Variants in MEGF6 observed in about 807,000 individuals in gnomAD.
The protein encoded by MEGF6 is multiple EGF like domains 6.
In MEGF6, 184 loss-of-function variants were observed where a neutral mutation model predicts 207.1. The ratio of observed to expected loss-of-function variants is 0.89; its 90% CI spans 0.79 to 1.00. The LOEUF (loss-of-function observed/expected upper bound fraction) is 1.00, where lower values mean the gene tolerates loss of function less well. Among genes scored for constraint, MEGF6 ranks in the 50% least tolerant of loss-of-function variants. The pLI, the probability that MEGF6 is intolerant of heterozygous loss-of-function variation, is 0.00. For synonymous variants in MEGF6, 1,038 were observed against 910.0 expected (o/e 1.14, Z -2.53); for missense variants, 2,282 against 2,202.9 (o/e 1.04, Z -0.72).
chr1:3,583,288 ACAGCCACCAGACAACGCG>A (rs1643845306), intron 3 of MEGF6, among the ~76,000 whole-genome samples: 4 of 148,460 alleles, frequency 2.7e-5, no homozygotes, highest in East Asian at 2.0e-4. Flanking sequence ...CAGACAACCC[ACAGCCACCAGACAACGCG>A]CAGCCACCAG....
At chr1:3,588,443 A>G (rs28522236) in intron 3 of MEGF6, among the ~76,000 whole-genome samples, 63 of 6,970 alleles carry the variant, frequency 9.0e-3, no homozygotes, top group Admixed American at 0.021. Flanking sequence ...GGGGCAGGAG[A>G]GGCCAGGAGG....
At chr1:3,618,562 G>A in the MEGF6 span, among the ~76,000 whole-genome samples, 2 of 152,102 alleles carry the variant, frequency 1.3e-5, no homozygotes, top group African/African-American at 2.4e-5. The surrounding 1 kb of genome is among the most constrained non-coding windows in gnomAD (Gnocchi z 4.7). Flanking sequence ...CTACTTCCCC[G>A]CAGCCTGCTC....
chr1:3,515,387 G>A lies in MEGF6; in HGVS notation c.730+15C>T, dbSNP rs747427756. ...TCCACCCCCAGGTCCTCCCTCCCAG[G>A]CTGGCAGCACTCACGGACACAATGC... On this transcript the variant is annotated intron_variant, in intron 6 of 36. Coordinates refer to ENST00000356575, the MANE Select transcript of MEGF6 (RefSeq NM_001409.4). The A allele has an allele frequency of 6.8e-6, 11 of 1,606,650 alleles. No individual in the cohort carries two copies. The African/African-American group carries it at 1.2e-4, about 18-fold the overall frequency.
At chr1:3,546,681 G>A (rs1642718955) in intron 4 of MEGF6, among the ~76,000 whole-genome samples, 1 of 150,572 alleles carries the variant, frequency 6.6e-6, no homozygotes, top group South Asian at 2.1e-4. Context: ...GAGGTGGGGT[G>A]GCAGTGGGCT....
chr1:3,582,572 T>A (rs1262223009), intron 3 of MEGF6, among the ~76,000 whole-genome samples: 2 of 152,200 alleles, frequency 1.3e-5, no homozygotes, highest in Middle Eastern at 6.3e-3. Context: ...CCATAGTGAC[T>A]TTTTAGAATA....
At chr1:3,583,322 C>G (rs374339559) in intron 3 of MEGF6, among the ~76,000 whole-genome samples, 3,478 of 99,052 alleles carry the variant, frequency 0.035, 164 homozygotes, top group African/African-American at 0.13. Flanking sequence ...ACCAGACAAC[C>G]CACAGCCACC....
intron 4 of MEGF6, among the ~76,000 whole-genome samples, chr1:3,578,801 C>CCGGCCCCCAGCGGAACG (rs1643715010): frequency 6.6e-6 from 1 of 151,680 alleles, no homozygotes; most frequent in African/African-American, 2.4e-5. Flanking sequence ...CCTCCTCAGC[C>CCGGCCCCCAGCGGAACG]TGGTCCCCAG....
chr1:3,596,788 A>G (rs1644075398), intron 2 of MEGF6, among the ~76,000 whole-genome samples: 1 of 151,492 alleles, frequency 6.6e-6, no homozygotes, highest in Non-Finnish European at 1.5e-5. Flanking sequence ...TTGGCAGAGC[A>G]TTTGGCAAGG....
At chr1:3,536,524 G>A (rs1363721030) in intron 4 of MEGF6, among the ~76,000 whole-genome samples, 1 of 152,150 alleles carries the variant, frequency 6.6e-6, no homozygotes, top group African/African-American at 2.4e-5. Flanking sequence ...GGTAGAGAGC[G>A]CCTCCCAGGC....
intron 1 of MEGF6, 141 bp from the exon 2 acceptor site, chr1:3,602,741 A>C: frequency 7.8e-7 from 1 of 1,274,404 alleles, no homozygotes; most frequent in South Asian, 1.6e-5. Context: ...CACAGTGCCC[A>C]TGCCAGTGCC....
intron 3 of MEGF6, among the ~76,000 whole-genome samples, chr1:3,587,304 G>A (rs895986965): frequency 6.6e-6 from 1 of 152,250 alleles, no homozygotes; most frequent in Non-Finnish European, 1.5e-5. Flanking sequence ...TGCCCCGAAG[G>A]CTCTGCCACA....
Position 3,565,824 on chromosome 1 carries a change from C to T in MEGF6, c.481+14001G>A, listed in dbSNP as rs1643328435. On this transcript the variant is annotated intron_variant, in intron 4 of 36. Transcript: ENST00000356575. The surrounding 1 kb of genome is among the most constrained non-coding windows in gnomAD (Gnocchi z 4.8). ...ATCCAGGTGCCTTCCAACTCTGCTC[C>T]AGCCACGCTCGGCATTCCGTCCAGG... Among the ~76,000 whole-genome samples the T allele has an allele frequency of 6.6e-6, 1 of 152,154 alleles. No homozygotes were observed. The highest frequency in any genetic ancestry group is 6.5e-5 in the Admixed American group (1 of 15,282).
intron 2 of MEGF6, among the ~76,000 whole-genome samples, chr1:3,596,367 T>C: frequency 6.7e-6 from 1 of 149,000 alleles, no homozygotes; most frequent in Admixed American, 6.7e-5. Context: ...GACGTCCCCC[T>C]CCCCAAGTCC....
chr1:3,563,747 G>A (rs1019483881), intron 4 of MEGF6, among the ~76,000 whole-genome samples: 2 of 152,162 alleles, frequency 1.3e-5, no homozygotes, highest in African/African-American at 4.8e-5. Flanking sequence ...GAGGCCCTGG[G>A]GTCAGCAAGT....
chr1:3,518,968 G>A (rs545343154), intron 5 of MEGF6, among the ~76,000 whole-genome samples: 4 of 152,338 alleles, frequency 2.6e-5, no homozygotes, highest in South Asian at 2.1e-4. Context: ...GCCTGTGAGA[G>A]CAGCTGTCCT....
chr1:3,595,495 G>A, intron 2 of MEGF6, 48 bp from the exon 3 acceptor site: 4 of 1,511,424 alleles, frequency 2.6e-6, no homozygotes, highest in Non-Finnish European at 3.7e-6. Context: ...GGGACTGGCT[G>A]TATTCGGCTC....
chr1:3,592,589 A>G (rs1462583947), intron 3 of MEGF6, among the ~76,000 whole-genome samples: 1 of 152,124 alleles, frequency 6.6e-6, no homozygotes, highest in Non-Finnish European at 1.5e-5. Flanking sequence ...AACCCAGCAA[A>G]CAATTGAGTG....
chr1:3,580,672 G>A (rs1053357381), intron 3 of MEGF6, among the ~76,000 whole-genome samples: 4 of 152,152 alleles, frequency 2.6e-5, no homozygotes, highest in South Asian at 2.1e-4. Flanking sequence ...GGTGCCCCCC[G>A]GGGGCTCCAA....
chr1:3,490,393 C>A lies in MEGF6; in HGVS notation c.*135G>T. On this transcript the variant is annotated 3_prime_UTR_variant, in exon 37 of 37. Coordinates refer to ENST00000356575, the MANE Select transcript of MEGF6 (RefSeq NM_001409.4). Reference sequence around the variant, plus strand: ...GAGCGACAGGTTGCTGGGCTGTCCACAGCCCTCCACGGCCCTCAAAGGAAG... The same window carrying A: ...GAGCGACAGGTTGCTGGGCTGTCCAAAGCCCTCCACGGCCCTCAAAGGAAG... 1.0e-6 allele frequency: 1 copy of A among 989,786 alleles called. No individual in the cohort carries two copies. The highest frequency in any genetic ancestry group is 1.5e-6 in the Non-Finnish European group (1 of 665,474). 61.3% of individuals were successfully genotyped at this position (989,786 alleles called of 1,614,324 possible).
Sources: gnomAD v4.1 joint callset for allele counts (sites outside exome capture counted in the v4.1 genomes callset) on GRCh38, gnomAD v4.1.1 for gene constraint, Gnocchi (gnomAD v3.1) non-coding constraint, MANE v1.5 for transcripts, NCBI Gene and HGNC (gene_info 2026-07-23, HGNC 2026-07-21) for gene names.